ANTXR2: variants seen among roughly 807,000 people sequenced by gnomAD.
The protein encoded by ANTXR2 is anthrax toxin receptor 2.
ANTXR2 carries 44 observed loss-of-function variants against 73.7 expected under a neutral mutation model. That is an observed-to-expected ratio of 0.60 (90% CI 0.47 to 0.77). ANTXR2 has a LOEUF of 0.77. ANTXR2 is among the 30% of genes least tolerant of loss of function. The pLI, the probability that ANTXR2 is intolerant of heterozygous loss-of-function variation, is 0.00. For missense variants in ANTXR2, 604 were observed against 592.5 expected (o/e 1.02, Z -0.20); for synonymous variants, 217 against 205.9 (o/e 1.05, Z -0.46).
rs371103593 is a variant in ANTXR2 at position 79,907,437 on chromosome 4, A to C, written c.1459T>G (p.Ser487Ala). ...GRCINFSRVP[S>A]Q ...GTCTTCCTGCTTCCCTTTTACTGAG[A>C]TGGAACTCGGGAGAAGTTTATGCAC... is the stretch of plus-strand genomic sequence containing the variant. The change falls in exon 17 of 17, where the codon TCT becomes GCT. Residue 487 changes from serine to alanine, a missense_variant. Transcript: ENST00000403729. 4.8e-5 allele frequency: 78 copies of C among 1,613,022 alleles called. No individual in the cohort carries two copies. In the African/African-American group the frequency reaches 9.9e-4, roughly 20 times the overall value.
At chr4:80,012,606 T>C (rs1731641965) in intron 11 of ANTXR2, among the ~76,000 whole-genome samples, 1 of 152,158 alleles carries the variant, frequency 6.6e-6, no homozygotes, top group Non-Finnish European at 1.5e-5. Context: ...ATGTAGAATC[T>C]GGTTTAAAAT....
intron 12 of ANTXR2, among the ~76,000 whole-genome samples, chr4:79,987,293 G>C (rs1044301629): frequency 6.7e-6 from 1 of 149,924 alleles, no homozygotes; most frequent in Non-Finnish European, 1.5e-5. Flanking sequence ...AAAAAAAATT[G>C]AACTTCCGGA....
intron 10 of ANTXR2, among the ~76,000 whole-genome samples, chr4:80,023,461 T>C (rs776628221): frequency 1.3e-5 from 2 of 152,316 alleles, no homozygotes; most frequent in Non-Finnish European, 2.9e-5. Flanking sequence ...TGGGCTGTAC[T>C]TGGTAAAATG....
intron 8 of ANTXR2, among the ~76,000 whole-genome samples, chr4:80,034,485 C>T (rs1307429996): frequency 6.6e-6 from 1 of 152,014 alleles, no homozygotes; most frequent in African/African-American, 2.4e-5. Context: ...TTTTATAGAA[C>T]CAACGTGGAA....
chr4:79,976,834 T>C (rs2110010671), intron 16 of ANTXR2, among the ~76,000 whole-genome samples: 1 of 152,330 alleles, frequency 6.6e-6, no homozygotes, highest in South Asian at 2.1e-4. Flanking sequence ...TTAAGAACTC[T>C]CCCAGGCTAA....
At chr4:80,051,743 G>C (rs1434368932) in intron 7 of ANTXR2, among the ~76,000 whole-genome samples, 1 of 151,596 alleles carries the variant, frequency 6.6e-6, no homozygotes, top group African/African-American at 2.4e-5. Flanking sequence ...TCAGCCCCTT[G>C]ATTTTTGAGT....
intron 8 of ANTXR2, among the ~76,000 whole-genome samples, chr4:80,034,988 T>G (rs1369542699): frequency 1.3e-5 from 2 of 152,140 alleles, no homozygotes; most frequent in Non-Finnish European, 2.9e-5. Flanking sequence ...TAGTAGCAAG[T>G]ACTGAACCTG....
At chr4:79,995,712 C>A (rs1363408008) in intron 12 of ANTXR2, among the ~76,000 whole-genome samples, 1 of 151,824 alleles carries the variant, frequency 6.6e-6, no homozygotes, top group African/African-American at 2.4e-5. Flanking sequence ...CATTAGAGTT[C>A]TTTTCAATAG....
chr4:79,994,733 T>A (rs1021252928), intron 12 of ANTXR2, among the ~76,000 whole-genome samples: 1 of 151,974 alleles, frequency 6.6e-6, no homozygotes, highest in Non-Finnish European at 1.5e-5. Flanking sequence ...AATCCCCATA[T>A]GACCACTGTT....
chr4:80,034,938 C>T (rs1180272557), intron 8 of ANTXR2, among the ~76,000 whole-genome samples: 1 of 152,086 alleles, frequency 6.6e-6, no homozygotes, highest in East Asian at 1.9e-4. Context: ...AGAGTATGGG[C>T]ATTCAAGTCA....
intron 12 of ANTXR2, among the ~76,000 whole-genome samples, chr4:79,987,274 GAAAA>G (rs58238337): frequency 1.7e-5 from 2 of 118,542 alleles, no homozygotes; most frequent in South Asian, 2.4e-4. Context: ...GCCATTTTAA[GAAAA>G]AAAAAAAAAA....
At chr4:79,985,211 G>C (rs552062041) in intron 12 of ANTXR2, among the ~76,000 whole-genome samples, 1 of 151,854 alleles carries the variant, frequency 6.6e-6, no homozygotes, top group Non-Finnish European at 1.5e-5. Context: ...TTAGCCGGGC[G>C]TGGTGGCGGG....
At position 79,904,124 on chromosome 4, in the gene ANTXR2, A is replaced by T. The variant is rs1286047672; in HGVS notation, c.*3305T>A. Reference sequence around the variant, plus strand: ...AGAATTTGTTTCAACTTTAAACTAAACAAATGTATCTGCCTCTGAGCAGTA... The same window carrying T: ...AGAATTTGTTTCAACTTTAAACTAATCAAATGTATCTGCCTCTGAGCAGTA... On this transcript the variant is annotated 3_prime_UTR_variant, in exon 17 of 17. Transcript: ENST00000403729. 6.6e-6 allele frequency: 1 copy of T among 152,068 alleles called. No homozygotes were observed. Among genetic ancestry groups the T allele is most frequent in the Non-Finnish European group, 1.5e-5 (1 of 67,972 alleles). 9.4% of individuals were successfully genotyped at this position (152,068 alleles called of 1,614,324 possible).
At chr4:79,999,416 C>T (rs932838532) in intron 12 of ANTXR2, among the ~76,000 whole-genome samples, 1 of 151,988 alleles carries the variant, frequency 6.6e-6, no homozygotes, top group African/African-American at 2.4e-5. Context: ...TTGTAAGTTT[C>T]CTGAGGCCTC....
At chr4:80,019,570 C>T (rs994223178) in intron 10 of ANTXR2, among the ~76,000 whole-genome samples, 1 of 152,054 alleles carries the variant, frequency 6.6e-6, no homozygotes, top group Non-Finnish European at 1.5e-5. Context: ...TCACAAAAAC[C>T]TACAAAGAAA....
intron 16 of ANTXR2, among the ~76,000 whole-genome samples, chr4:79,928,314 A>T (rs1727906940): frequency 6.6e-6 from 1 of 152,222 alleles, no homozygotes; most frequent in South Asian, 2.1e-4. Flanking sequence ...ATTCAAATTC[A>T]TAGAGACAGA....
At chr4:80,058,691 C>G (rs1484763761) in intron 3 of ANTXR2, among the ~76,000 whole-genome samples, 1 of 144,516 alleles carries the variant, frequency 6.9e-6, no homozygotes, top group African/African-American at 2.5e-5. Context: ...AAAAAAAAAG[C>G]CTCTAAATGA....
chr4:79,972,920 T>TAAAAAAAAAAAAAA (rs746252575), intron 16 of ANTXR2, among the ~76,000 whole-genome samples: 8 of 53,170 alleles, frequency 1.5e-4, no homozygotes, highest in African/African-American at 1.0e-3. Flanking sequence ...TAGAGTATAA[T>TAAAAAAAAAAAAAA]AAAAAAAAAA....
chr4:80,059,493 A>T (rs1022301898), intron 3 of ANTXR2, among the ~76,000 whole-genome samples: 1 of 151,986 alleles, frequency 6.6e-6, no homozygotes, highest in Admixed American at 6.6e-5. Flanking sequence ...CAAGTAGCTG[A>T]GACTACAGGC....
Sources: gnomAD v4.1 joint callset for allele counts (sites outside exome capture counted in the v4.1 genomes callset) on GRCh38, gnomAD v4.1.1 for gene constraint, MANE v1.5 for transcripts, NCBI Gene and HGNC (gene_info 2026-07-23, HGNC 2026-07-21) for gene names.